Variants in NOMO3 observed in about 807,000 individuals in gnomAD.
NOMO3 encodes the protein BOS complex subunit NOMO3.
NOMO3 carries 15 observed loss-of-function variants against 69.9 expected under a neutral mutation model. The ratio of observed to expected loss-of-function variants is 0.21; its 90% CI spans 0.14 to 0.33. The LOEUF (loss-of-function observed/expected upper bound fraction) is 0.33. Among genes scored for constraint, NOMO3 ranks in the 10% least tolerant of loss-of-function variants. The pLI is 1.00. For missense variants in NOMO3, 218 were observed against 761.0 expected, an observed-to-expected ratio of 0.29 and a Z score of 8.39; for synonymous variants, 89 against 301.9, an observed-to-expected ratio of 0.29 and a Z score of 7.31.
intron 4 of NOMO3, among the ~76,000 whole-genome samples, chr16:16,243,481 C>T (rs1289198266): frequency 7.0e-6 from 1 of 143,362 alleles, no homozygotes; most frequent in African/African-American, 2.8e-5. Flanking sequence ...CCCTCTGCTC[C>T]CAGAGCATAG....
intron 16 of NOMO3, among the ~76,000 whole-genome samples, chr16:16,268,249 A>G (rs1182599267): frequency 6.9e-6 from 1 of 144,842 alleles, no homozygotes. Flanking sequence ...TCTTGTTTCG[A>G]TACCTAGGAA....
chr16:16,263,177 A>T lies in NOMO3; in HGVS notation c.1499A>T (p.Gln500Leu), dbSNP rs1483442846. 1 of 1,592,582 alleles carries T rather than the reference A, an allele frequency of 6.3e-7. No homozygotes were observed. Among genetic ancestry groups the T allele is most frequent in the South Asian group, 1.1e-5 (1 of 89,388 alleles). Reference sequence around the variant, plus strand: ...CCTGTGATGGATGTGGCCTTTGTACAGTTCTTGGCATCAGTTTCTGGGAAA... The same window carrying T: ...CCTGTGATGGATGTGGCCTTTGTACTGTTCTTGGCATCAGTTTCTGGGAAA... ...DRPVMDVAFV[Q>L]FLASVSGKVS... Residue 500 changes from glutamine (Q) to leucine (L), a missense_variant, in exon 13 of 31, where the codon CAG becomes CTG. Gln to Leu is a moderately radical substitution (Grantham distance 113). Transcript: ENST00000399336.
intron 15 of NOMO3, chr16:16,266,720 T>A (rs2049622814): frequency 2.0e-6 from 1 of 509,320 alleles, no homozygotes; most frequent in Non-Finnish European, 3.5e-6. Flanking sequence ...CCAGTTGAGA[T>A]CACTAATTTA....
chr16:16,263,299 C>T, intron 13 of NOMO3, 84 bp downstream of exon 13: 2 of 1,593,472 alleles, frequency 1.3e-6, no homozygotes, highest in East Asian at 4.9e-5. Context: ...TTTTGTTTTG[C>T]CTTTGTTGTT....
intron 14 of NOMO3, among the ~76,000 whole-genome samples, chr16:16,264,803 C>T (rs2049595143): frequency 7.3e-6 from 1 of 136,490 alleles, no homozygotes; most frequent in South Asian, 2.3e-4. Context: ...TGCCGTCGGC[C>T]TCCCAGAGTG....
intron 1 of NOMO3, among the ~76,000 whole-genome samples, chr16:16,236,185 T>C (rs1259079109): frequency 6.8e-6 from 1 of 146,118 alleles, no homozygotes; most frequent in African/African-American, 2.7e-5. Flanking sequence ...CTGGCCCTCA[T>C]TGCAGACCTT....
At chr16:16,243,744 C>T (rs2049393132) in intron 4 of NOMO3, among the ~76,000 whole-genome samples, 1 of 140,276 alleles carries the variant, frequency 7.1e-6, no homozygotes, top group Non-Finnish European at 1.5e-5. Flanking sequence ...AGGCTGGTCT[C>T]AAACTCCTGA....
chr16:16,265,322 C>T lies in NOMO3; in HGVS notation c.1806+143C>T, dbSNP rs188557054. 629 of 1,511,948 alleles carry T rather than the reference C, an allele frequency of 4.2e-4. 22 individuals are homozygous for T. Among genetic ancestry groups the T allele is most frequent in the Admixed American group, 1.5e-3 (77 of 52,568 alleles). 93.7% of individuals were successfully genotyped at this position (1,511,948 alleles called of 1,614,324 possible). A position where few individuals can be genotyped will look rare whatever the true frequency, so the allele number is the denominator to read the frequency against. The stretch of plus-strand genomic sequence containing the variant: ...CTGCACTCACCCACCTGTTACGCAA[C>T]GCATAATCAGGAAGCATTTATACTC... On this transcript the variant is annotated intron_variant, in intron 15 of 30. Transcript: ENST00000399336.
intron 4 of NOMO3, among the ~76,000 whole-genome samples, chr16:16,243,725 G>A (rs1366846874): frequency 2.2e-5 from 3 of 139,406 alleles, no homozygotes; most frequent in Non-Finnish European, 4.5e-5. Context: ...GGCTTTTGCT[G>A]TGTTGGCCAG....
rs1000614211 is a variant in NOMO3 at position 16,256,213 on chromosome 16, A to G, written c.1220+55A>G. ...CAGTAAATATGCTGGCAGCCAGTGT[A>G]GAACCAAATGACCTGTGATCTGTGT... is the stretch of plus-strand genomic sequence containing the variant. On this transcript the variant is annotated intron_variant, in intron 11 of 30. Transcript: ENST00000399336. 163 of 1,564,850 alleles carry G rather than the reference A, an allele frequency of 1.0e-4. 1 individual carries two copies. Among genetic ancestry groups the G allele is most frequent in the Non-Finnish European group, 1.4e-4 (161 of 1,161,708 alleles).
intron 11 of NOMO3, among the ~76,000 whole-genome samples, chr16:16,258,623 T>A (rs2049535843): frequency 7.0e-6 from 1 of 142,072 alleles, no homozygotes; most frequent in Non-Finnish European, 1.5e-5. Flanking sequence ...CTCAGCACTT[T>A]GGGAGGCTGA....
chr16:16,264,071 A>G (rs201862470), intron 14 of NOMO3, among the ~76,000 whole-genome samples: 2 of 113,400 alleles, frequency 1.8e-5, no homozygotes, highest in African/African-American at 6.5e-5. Flanking sequence ...ATATAAGACT[A>G]AAAGAAGTAA....
intron 6 of NOMO3, among the ~76,000 whole-genome samples, chr16:16,248,103 T>A (rs1451926022): frequency 9.5e-6 from 1 of 105,484 alleles, no homozygotes; most frequent in Non-Finnish European, 1.8e-5. Context: ...TTTTTTTTTT[T>A]AAAGACGGAG....
rs1260368617 is a variant in NOMO3 at position 16,256,274 on chromosome 16, T to C, written c.1220+116T>C. 85 of 1,444,190 alleles carry C rather than the reference T, an allele frequency of 5.9e-5. 3 individuals are homozygous for C. Among genetic ancestry groups the C allele is most frequent in the Non-Finnish European group, 1.0e-5 (11 of 1,093,890 alleles). 89.5% of individuals were successfully genotyped at this position (1,444,190 alleles called of 1,614,324 possible). ...AGCTTAAGAACTTAAGAAAGATTAG[T>C]ACTTTTTTTTTTTTTTTGAGAGACA... On this transcript the variant is annotated intron_variant, in intron 11 of 30. Transcript: ENST00000399336.
chr16:16,238,016 A>G (rs1472158744), intron 2 of NOMO3, among the ~76,000 whole-genome samples: 1 of 142,606 alleles, frequency 7.0e-6, no homozygotes, highest in Non-Finnish European at 1.5e-5. Flanking sequence ...TCCCACATAT[A>G]AACCTTTTAT....
intron 9 of NOMO3, among the ~76,000 whole-genome samples, chr16:16,255,150 T>C (rs1321547265): frequency 7.0e-6 from 1 of 142,916 alleles, no homozygotes; most frequent in Non-Finnish European, 1.5e-5. Flanking sequence ...TGACCTCAAG[T>C]GATCTGCCTG....
At chr16:16,265,925 C>T (rs1197094988) in intron 15 of NOMO3, among the ~76,000 whole-genome samples, 1 of 143,680 alleles carries the variant, frequency 7.0e-6, no homozygotes, top group Admixed American at 6.7e-5. Flanking sequence ...AAACTCCTGA[C>T]CTCAGGGGAT....
intron 4 of NOMO3, among the ~76,000 whole-genome samples, chr16:16,244,022 C>T (rs1420384388): frequency 7.0e-6 from 1 of 143,534 alleles, no homozygotes; most frequent in East Asian, 2.2e-4. Flanking sequence ...TGGACCGCCA[C>T]GGTGGTGTGA....
rs1243080622 is a variant in NOMO3, at chr16:16,248,395, C to CT, written c.582+949dup. 7.7e-3 allele frequency among the ~76,000 whole-genome samples: 506 copies of CT among 65,316 alleles called. 44 individuals carry two copies. Among genetic ancestry groups the CT allele is most frequent in the Non-Finnish European group, 0.011 (365 of 33,830 alleles). 42.8% of individuals were successfully genotyped at this position (65,316 alleles called of 152,430 possible). A position where few individuals can be genotyped will look rare whatever the true frequency, so the allele number is the denominator to read the frequency against. On this transcript the variant is annotated intron_variant, in intron 6 of 30. Transcript: ENST00000399336. ...ACCAGTGCACTCGGCCAGATACAGT[C>CT]TTTTTTTTTTTTTTTTTTTTTGCAA...
Sources: gnomAD v4.1 joint callset for allele counts (sites outside exome capture counted in the v4.1 genomes callset) on GRCh38, gnomAD v4.1.1 for gene constraint, MANE v1.5 for transcripts, NCBI Gene and HGNC (gene_info 2026-07-23, HGNC 2026-07-21) for gene names.